The following HSPA14 variants were observed in gnomAD, a reference collection of about 807,000 sequenced individuals.
The protein encoded by HSPA14 is heat shock protein family A (Hsp70) member 14.
In HSPA14, 37 loss-of-function variants were observed where a neutral mutation model predicts 65.5. That is an observed-to-expected ratio of 0.56 (90% CI 0.43 to 0.74). The LOEUF is 0.74. HSPA14 is among the 30% of genes least tolerant of loss of function. The pLI is 0.00. For synonymous variants in HSPA14, 203 were observed against 214.2 expected (o/e 0.95, Z 0.46); for missense variants, 564 against 607.6 (o/e 0.93, Z 0.75).
intron 10 of HSPA14, among the ~76,000 whole-genome samples, chr10:14,865,734 G>A (rs1003093934): frequency 2.0e-5 from 3 of 152,200 alleles, no homozygotes; most frequent in Admixed American, 6.5e-5. Context: ...TAGCGTTATA[G>A]TATAGTTTGA....
At chr10:14,854,396 A>G (rs969545189) in intron 9 of HSPA14, 116 bp downstream of exon 9, 10 of 806,338 alleles carry the variant, frequency 1.2e-5, no homozygotes, top group African/African-American at 1.7e-5. Flanking sequence ...AACCATCTAT[A>G]ATGTCTTCAC....
chr10:14,853,605 T>C (rs1359619760), intron 8 of HSPA14, among the ~76,000 whole-genome samples: 3 of 152,244 alleles, frequency 2.0e-5, no homozygotes, highest in Non-Finnish European at 4.4e-5. Flanking sequence ...AAATTGGTAA[T>C]TCATTTTTCT....
chr10:14,846,975 CAAAT>C, intron 3 of HSPA14: 1 of 985,348 alleles, frequency 1.0e-6, no homozygotes, highest in Non-Finnish European at 1.2e-6. Flanking sequence ...CTGGTGTGGA[CAAAT>C]AAAGTTTTCA....
In HSPA14 at chr10:14,867,883, G is replaced by C; in HGVS notation, c.1354G>C (p.Ala452Pro). The change falls in exon 12 of 14, where the codon GCC becomes CCC. Residue 452 changes from alanine (A) to proline (P), a missense_variant. Ala to Pro is a conservative substitution (Grantham distance 27). Transcript: ENST00000378372. ...CTATGAGTCTGATGGGAAGAACTCT[G>C]CCAAAGAGGAAACCAAGTTTGCACA... The part of the protein sequence containing the change: ...ELYESDGKNS[A>P]KEETKFAQVV... The C allele has an allele frequency of 6.2e-7, 1 of 1,613,566 alleles. No homozygotes were observed. The highest frequency in any genetic ancestry group is 8.5e-7 in the Non-Finnish European group (1 of 1,179,858).
At chr10:14,858,578 A>G (rs1832726491) in intron 10 of HSPA14, among the ~76,000 whole-genome samples, 1 of 152,122 alleles carries the variant, frequency 6.6e-6, no homozygotes, top group African/African-American at 2.4e-5. Flanking sequence ...AGGCCACAGG[A>G]GCAGCTGCCT....
intron 12 of HSPA14, among the ~76,000 whole-genome samples, chr10:14,869,871 C>T (rs982918647): frequency 6.6e-6 from 1 of 152,172 alleles, no homozygotes; most frequent in African/African-American, 2.4e-5. Context: ...CCACTATATC[C>T]TAACTTAAAG....
In HSPA14 at chr10:14,867,181, T is replaced by A; in HGVS notation, c.1092T>A (p.Asp364Glu). Residue 364 changes from aspartate to glutamate, a missense_variant, in exon 11 of 14, where the codon GAT becomes GAA. Transcript: ENST00000378372. ...AVELLNSIPP[D>E]EVIPIGAAIE... is the part of the protein sequence containing the mutation. The stretch of plus-strand genomic sequence containing the variant: ...AGCTTCTCAATTCTATCCCTCCTGA[T>A]GAAGTGATCCCTATTGGTGCAGCTA... 6.2e-7 allele frequency: 1 copy of A among 1,613,280 alleles called. No individual in the cohort carries two copies. Among genetic ancestry groups the A allele is most frequent in the Non-Finnish European group, 8.5e-7 (1 of 1,179,284 alleles).
At chr10:14,844,780 A>G in intron 3 of HSPA14, 7 of 985,026 alleles carry the variant, frequency 7.1e-6, no homozygotes, top group Non-Finnish European at 8.4e-6. Context: ...TGCCTAAATT[A>G]CATCTTTAAG....
Position 14,840,135 on chromosome 10 carries a change from G to A in HSPA14, c.199G>A (p.Val67Ile). 1 of 1,467,042 alleles carries A rather than the reference G, an allele frequency of 6.8e-7. No homozygotes were observed. Among genetic ancestry groups the A allele is most frequent in the South Asian group, 1.6e-5 (1 of 63,520 alleles). The allele number at this position is 1,467,042 out of a possible 1,614,324, so 90.9% of individuals were successfully genotyped here. A position where few individuals can be genotyped will look rare whatever the true frequency, so the allele number is the denominator to read the frequency against. Residue 67 changes from valine (V) to isoleucine (I), a missense_variant, in exon 3 of 14, where the codon GTA becomes ATA. Physicochemically the swap from Val to Ile is conservative, Grantham distance 29. Transcript: ENST00000378372. ...IRNISNTVMK[V>I]KQILGRSSSD... ...AAATATTTCAAATACAGTAATGAAAGTAAAGCAGATCCTGGGCAGAAGGTA... is the reference window on the plus strand; with the variant it reads ...AAATATTTCAAATACAGTAATGAAAATAAAGCAGATCCTGGGCAGAAGGTA...
At chr10:14,853,715 A>T (rs1338645285) in intron 8 of HSPA14, among the ~76,000 whole-genome samples, 1 of 152,004 alleles carries the variant, frequency 6.6e-6, no homozygotes, top group Non-Finnish European at 1.5e-5. Context: ...TCACTAATTT[A>T]TTTTATTTAT....
chr10:14,870,496 G>GT, intron 12 of HSPA14, 101 bp from the exon 13 acceptor site: 1 of 1,331,834 alleles, frequency 7.5e-7, no homozygotes, highest in Non-Finnish European at 1.0e-6. Flanking sequence ...AAAAAGGTTT[G>GT]TTTCAGTGAT....
In HSPA14 at chr10:14,852,380, G is replaced by A. The variant is rs759232023; in HGVS notation, c.583G>A (p.Val195Met). The change falls in exon 8 of 14, where the codon GTG (valine) becomes ATG (methionine). Residue 195 changes from valine (V) to methionine (M), a missense_variant. Coordinates refer to ENST00000378372, the MANE Select transcript of HSPA14 (RefSeq NM_016299.4). ...TATCTTCTCTTGAAGCAATATTTTG[G>A]TGTTTAAGCTTGGAGGAACATCCTT... Reference protein sequence around the residue: ...DSPTGKSNILVFKLGGTSLSL... With the variant: ...DSPTGKSNILMFKLGGTSLSL... 1.9e-6 allele frequency: 3 copies of A among 1,612,356 alleles called. No individual in the cohort carries two copies. The highest frequency in any genetic ancestry group is 3.3e-5 in the Admixed American group (2 of 59,734).
At chr10:14,844,857 C>T (rs1834028667) in intron 3 of HSPA14, 1 of 985,316 alleles carries the variant, frequency 1.0e-6, no homozygotes, top group Non-Finnish European at 1.2e-6. Flanking sequence ...CGCTTTTTAG[C>T]TGATTTCATT....
intron 10 of HSPA14, among the ~76,000 whole-genome samples, chr10:14,866,164 A>G (rs1043248245): frequency 2.6e-5 from 4 of 152,196 alleles, no homozygotes; most frequent in Non-Finnish European, 5.9e-5. Flanking sequence ...GGATCATAAA[A>G]TTTTAGAGAA....
At chr10:14,870,454 AGTGGTAG>A (rs1832844509) in intron 12 of HSPA14, 136 bp from the exon 13 acceptor site, 1 of 804,918 alleles carries the variant, frequency 1.2e-6, no homozygotes. Flanking sequence ...ATTCTGATTC[AGTGGTAG>A]GAGAATTGAA....
At chr10:14,859,228 T>C (rs532152613) in intron 10 of HSPA14, among the ~76,000 whole-genome samples, 1 of 152,268 alleles carries the variant, frequency 6.6e-6, no homozygotes, top group South Asian at 2.1e-4. Flanking sequence ...GGTGGCCACC[T>C]GTTTAGGTGA....
intron 8 of HSPA14, among the ~76,000 whole-genome samples, chr10:14,853,415 T>C (rs989892010): frequency 1.3e-5 from 2 of 152,230 alleles, no homozygotes; most frequent in Non-Finnish European, 2.9e-5. Context: ...GCTGTGATTA[T>C]AAAGGGTAAA....
intron 9 of HSPA14, 89 bp downstream of exon 9, chr10:14,854,369 T>C (rs1820152017): frequency 9.0e-7 from 1 of 1,115,202 alleles, no homozygotes. Context: ...TTTTTGTTTG[T>C]TTGTTTGAGA....
chr10:14,848,251 C>G (rs961694165), intron 3 of HSPA14, among the ~76,000 whole-genome samples: 1 of 152,094 alleles, frequency 6.6e-6, no homozygotes, highest in African/African-American at 2.4e-5. Flanking sequence ...TTGCAACTTT[C>G]TCATCTCAGT....
Sources: allele counts gnomAD v4.1 joint callset (sites outside exome capture counted in the v4.1 genomes callset), GRCh38; gene constraint gnomAD v4.1.1; transcripts MANE v1.5; gene names NCBI Gene and HGNC (gene_info 2026-07-23, HGNC 2026-07-21).